The following NRG3 variants were observed in gnomAD, a reference collection of about 807,000 sequenced individuals.
NRG3 encodes the protein pro-neuregulin-3, membrane-bound isoform.
Under a neutral mutation model 66.9 loss-of-function variants are expected in NRG3, and 31 were observed. That is an observed-to-expected ratio of 0.46 (90% CI 0.35 to 0.63). NRG3 has a LOEUF of 0.63. Ranked by LOEUF, NRG3 falls within the 20% of genes least tolerant of loss-of-function variation. The pLI is 0.00. For synonymous variants in NRG3, 393 were observed against 359.4 expected (o/e 1.09, Z -1.06); for missense variants, 910 against 878.9 (o/e 1.04, Z -0.45).
chr10:82,054,772 G>C (rs904645797), intron 1 of NRG3, among the ~76,000 whole-genome samples: 1 of 152,032 alleles, frequency 6.6e-6, no homozygotes, highest in Non-Finnish European at 1.5e-5. Context: ...GAATGAGGCT[G>C]AGCCAGGAGG....
chr10:82,340,950 T>A (rs2082656159), intron 1 of NRG3: 1 of 152,144 alleles, frequency 6.6e-6, no homozygotes, highest in Non-Finnish European at 1.5e-5. Flanking sequence ...GTGACTATAG[T>A]CAATAATAAT....
chr10:82,785,815 AG>A (rs1280924974), intron 3 of NRG3, among the ~76,000 whole-genome samples: 3 of 152,216 alleles, frequency 2.0e-5, no homozygotes, highest in African/African-American at 7.2e-5. Flanking sequence ...AGCCTAGCCA[AG>A]TAAAGCATGT....
intron 1 of NRG3, among the ~76,000 whole-genome samples, chr10:82,306,621 G>A (rs1221321995): frequency 6.9e-6 from 1 of 144,244 alleles, no homozygotes; most frequent in Non-Finnish European, 1.5e-5. Flanking sequence ...GGAGAATGGC[G>A]TGAACCCAAG....
At chr10:81,949,033 G>A (rs967016196) in intron 1 of NRG3, among the ~76,000 whole-genome samples, 6 of 152,116 alleles carry the variant, frequency 3.9e-5, no homozygotes, top group African/African-American at 1.4e-4. Flanking sequence ...GCAAAAACAT[G>A]TGACAATACA....
At chr10:82,167,349 T>C (rs1006904009) in intron 1 of NRG3, among the ~76,000 whole-genome samples, 2 of 152,156 alleles carry the variant, frequency 1.3e-5, no homozygotes, top group African/African-American at 4.8e-5. Flanking sequence ...ACTAAGGCAG[T>C]ATTCAGTCTA....
At chr10:82,870,167 C>T (rs1206383675) in intron 4 of NRG3, among the ~76,000 whole-genome samples, 1 of 151,672 alleles carries the variant, frequency 6.6e-6, no homozygotes, top group African/African-American at 2.4e-5. Context: ...CACGCCTGGC[C>T]CCACTAGTCT....
At position 82,873,069 on chromosome 10, in the gene NRG3, T is replaced by C. The variant is rs1345065895; in HGVS notation, c.1054+7632T>C. On this transcript the variant is annotated intron_variant, in intron 4 of 8. Coordinates refer to ENST00000372141, the MANE Select transcript of NRG3 (RefSeq NM_001010848.4). The stretch of plus-strand genomic sequence containing the variant: ...TGAGGAAGCCATGCCAAACCTAATG[T>C]CTGTAAAACTGTCAACATTCAACAT... 2.0e-5 allele frequency among the ~76,000 whole-genome samples: 3 copies of C among 152,162 alleles called. No homozygotes were observed. In the East Asian group the frequency reaches 5.8e-4, roughly 29 times the overall value.
rs185060850 is a variant in NRG3, at chr10:82,512,442, C to A, written c.953+153574C>A. ...CTGAGATTATAGGCATATGCCACCA[C>A]GCTTGGCTAATTTTTGTATTTTTAG... On this transcript the variant is annotated intron_variant, in intron 2 of 8. Coordinates refer to ENST00000372141, the MANE Select transcript of NRG3 (RefSeq NM_001010848.4). Among the ~76,000 whole-genome samples the A allele has an allele frequency of 9.2e-5, 14 of 152,120 alleles. No individual in the cohort carries two copies. The South Asian group carries it at 2.9e-3, about 32-fold the overall frequency.
chr10:81,931,707 T>C (rs983594), intron 1 of NRG3, among the ~76,000 whole-genome samples: 44,812 of 152,148 alleles, frequency 0.29, 7,232 homozygotes, highest in East Asian at 0.56. Context: ...CACAATCAGA[T>C]GAACCTCATC....
chr10:82,843,707 G>T (rs1032019108), intron 3 of NRG3, among the ~76,000 whole-genome samples: 1 of 152,088 alleles, frequency 6.6e-6, no homozygotes, highest in Non-Finnish European at 1.5e-5. Context: ...TGATAAGATG[G>T]AAAATGAAGG....
intron 2 of NRG3, among the ~76,000 whole-genome samples, chr10:82,562,571 G>C (rs2045123234): frequency 6.6e-6 from 1 of 152,188 alleles, no homozygotes; most frequent in Non-Finnish European, 1.5e-5. Context: ...GTCATTTGCA[G>C]ATAGTCACTA....
At chr10:82,141,129 G>A (rs1590266263) in intron 1 of NRG3, among the ~76,000 whole-genome samples, 2 of 152,060 alleles carry the variant, frequency 1.3e-5, no homozygotes, top group Admixed American at 1.3e-4. Flanking sequence ...GTATTTACTA[G>A]CATGAAAAAG....
At chr10:82,937,890 T>G (rs1163519633) in intron 4 of NRG3, among the ~76,000 whole-genome samples, 3 of 152,152 alleles carry the variant, frequency 2.0e-5, no homozygotes, top group Non-Finnish European at 2.9e-5. Context: ...ATCAGCACAG[T>G]TGAACACTTG....
At chr10:82,660,705 A>T (rs1287064707) in intron 2 of NRG3, among the ~76,000 whole-genome samples, 1 of 151,880 alleles carries the variant, frequency 6.6e-6, no homozygotes, top group Non-Finnish European at 1.5e-5. Context: ...CGTTCCTGTT[A>T]TTTTTTTCTA....
At chr10:82,854,578 A>T (rs971470518) in intron 3 of NRG3, among the ~76,000 whole-genome samples, 1 of 152,254 alleles carries the variant, frequency 6.6e-6, no homozygotes, top group Non-Finnish European at 1.5e-5. Flanking sequence ...GTAAAACAAA[A>T]TATAGTAAAC....
chr10:82,440,383 C>G (rs1421882396), intron 2 of NRG3, among the ~76,000 whole-genome samples: 1 of 130,418 alleles, frequency 7.7e-6, no homozygotes, highest in Non-Finnish European at 1.6e-5. Flanking sequence ...TTTTGAACAG[C>G]CTTCTTTTAG....
chr10:81,893,771 A>G (rs973789397), intron 1 of NRG3, among the ~76,000 whole-genome samples: 1 of 152,202 alleles, frequency 6.6e-6, no homozygotes, highest in Non-Finnish European at 1.5e-5. Flanking sequence ...GGTGGAGGCT[A>G]GTGAGCCTGT....
intron 4 of NRG3, among the ~76,000 whole-genome samples, chr10:82,921,398 A>G (rs1444726965): frequency 6.6e-6 from 1 of 152,168 alleles, no homozygotes; most frequent in Non-Finnish European, 1.5e-5. Flanking sequence ...ATTTGAATAG[A>G]AAAACAGCAT....
intron 1 of NRG3, among the ~76,000 whole-genome samples, chr10:82,087,529 G>A (rs898906587): frequency 2.0e-5 from 3 of 152,098 alleles, no homozygotes; most frequent in Non-Finnish European, 4.4e-5. Context: ...CAACAGTACA[G>A]GTGGACTCAG....
Sources: allele counts gnomAD v4.1 joint callset (sites outside exome capture counted in the v4.1 genomes callset), GRCh38; gene constraint gnomAD v4.1.1; transcripts MANE v1.5; gene names NCBI Gene and HGNC (gene_info 2026-07-23, HGNC 2026-07-21).